The following MCTP1 variants were observed in gnomAD, a reference collection of about 807,000 sequenced individuals.
MCTP1 encodes the protein multiple C2 and transmembrane domain-containing protein 1.
A neutral mutation model predicts 120.6 loss-of-function variants in MCTP1; 69 were observed. The observed-to-expected ratio is 0.57, with a 90% CI of 0.47 to 0.70. The LOEUF is 0.70. Ranked by LOEUF, MCTP1 falls within the 30% of genes least tolerant of loss-of-function variation. MCTP1 has a pLI of 0.00. For missense variants in MCTP1, 1,203 were observed against 1,248.8 expected (o/e 0.96, Z 0.55); for synonymous variants, 529 against 493.1 (o/e 1.07, Z -0.96).
At chr5:94,709,129 AAAATAAAT>A (rs547211825) in intron 21 of MCTP1, 1 of 151,920 alleles carries the variant, frequency 6.6e-6, no homozygotes, top group African/African-American at 2.4e-5. Context: ...CAACTTTGTA[AAAATAAAT>A]AAATAAATAA....
chr5:94,780,758 TGC>T, intron 18 of MCTP1, among the ~76,000 whole-genome samples: 1 of 152,136 alleles, frequency 6.6e-6, no homozygotes, highest in African/African-American at 2.4e-5. Context: ...AGGCACATAG[TGC>T]TAGGTAATGT....
chr5:94,774,350 A>G (rs1774835724), intron 19 of MCTP1, among the ~76,000 whole-genome samples: 1 of 152,026 alleles, frequency 6.6e-6, no homozygotes, highest in Non-Finnish European at 1.5e-5. Flanking sequence ...GTGAGGCCTT[A>G]AAAGGAACTT....
Position 94,708,501 on chromosome 5 carries a change from A to G in MCTP1, c.2928+11T>C. 6.6e-7 allele frequency: 1 copy of G among 1,518,360 alleles called. No homozygotes were observed. Among genetic ancestry groups the G allele is most frequent in the Admixed American group, 1.7e-5 (1 of 58,774 alleles). 94.1% of individuals were successfully genotyped at this position (1,518,360 alleles called of 1,614,324 possible). A position where few individuals can be genotyped will look rare whatever the true frequency, so the allele number is the denominator to read the frequency against. On this transcript the variant is annotated intron_variant, in intron 22 of 22. Transcript: ENST00000515393. ...AAAATAATAGCAATAATAATAACGA[A>G]ACCTACATACCACTTGTACATCTGA...
chr5:94,894,813 G>A lies in MCTP1; in HGVS notation c.1675C>T (p.Leu559Phe), dbSNP rs1255962539. The change falls in exon 11 of 23, where the codon CTC becomes TTC. Residue 559 changes from leucine (L) to phenylalanine (F), a missense_variant. Coordinates refer to ENST00000515393, the MANE Select transcript of MCTP1 (RefSeq NM_024717.7). ...IGRCQVDLSA[L>F]SREQTHKLEL... is the part of the protein sequence containing the mutation. ...AGCTTGTGCGTCTGTTCCCTACTGA[G>A]GGCTGACAGGTCGACCTGGCACCTA... 4.4e-6 allele frequency: 7 copies of A among 1,593,762 alleles called. No homozygotes were observed. The highest frequency in any genetic ancestry group is 6.0e-6 in the Non-Finnish European group (7 of 1,165,918).
chr5:95,065,526 AAGATAT>A (rs1469168947), intron 1 of MCTP1, among the ~76,000 whole-genome samples: 1 of 152,200 alleles, frequency 6.6e-6, no homozygotes, highest in Non-Finnish European at 1.5e-5. Context: ...ATTATCTGAA[AAGATAT>A]AGGGAAAACA....
intron 20 of MCTP1, 117 bp from the exon 21 acceptor site, chr5:94,711,044 T>G: frequency 1.4e-6 from 1 of 737,986 alleles, no homozygotes; most frequent in Non-Finnish European, 2.3e-6. Context: ...TGGAATAGAT[T>G]CCAATTGTAA....
rs1491136930 is a variant in MCTP1, at chr5:94,954,012, A to AC, written c.839-652_839-651insG. Among the ~76,000 whole-genome samples, 2 of 44,740 alleles carry AC rather than the reference A, an allele frequency of 4.5e-5. 1 individual carries two copies. The highest frequency in any genetic ancestry group is 7.9e-5 in the Non-Finnish European group (2 of 25,160). The allele number at this position is 44,740 out of a possible 152,430, so 29.4% of individuals were successfully genotyped here. On this transcript the variant is annotated intron_variant, in intron 2 of 22. Coordinates refer to ENST00000515393, the MANE Select transcript of MCTP1 (RefSeq NM_024717.7). ...CAAATATATATATGCATATATATAC[A>AC]AATATATATGCATATATATACAAAT...
chr5:95,146,128 T>C (rs1015621894), intron 1 of MCTP1, among the ~76,000 whole-genome samples: 4 of 152,208 alleles, frequency 2.6e-5, no homozygotes, highest in African/African-American at 7.2e-5. Flanking sequence ...AGATTATTTG[T>C]TTCCAAGAAT....
At chr5:95,253,532 C>T (rs1757588237) in intron 1 of MCTP1, among the ~76,000 whole-genome samples, 1 of 152,048 alleles carries the variant, frequency 6.6e-6, no homozygotes, top group Admixed American at 6.6e-5. Context: ...TTATATTAAC[C>T]TTCCACAGTG....
chr5:94,945,765 A>T (rs1459160807), intron 3 of MCTP1, among the ~76,000 whole-genome samples: 1 of 152,178 alleles, frequency 6.6e-6, no homozygotes, highest in Non-Finnish European at 1.5e-5. Context: ...GGACAACGAG[A>T]GTGGGAGGTG....
chr5:95,269,840 A>C (rs1759218026), intron 1 of MCTP1, among the ~76,000 whole-genome samples: 1 of 152,234 alleles, frequency 6.6e-6, no homozygotes, highest in South Asian at 2.1e-4. Flanking sequence ...CATAAAATGC[A>C]ACTAACACTA....
chr5:94,879,299 A>G (rs1165622474), intron 12 of MCTP1, among the ~76,000 whole-genome samples: 1 of 152,130 alleles, frequency 6.6e-6, no homozygotes, highest in African/African-American at 2.4e-5. Flanking sequence ...ACGTAAATCA[A>G]TAGCTATATT....
At chr5:95,120,914 T>C (rs1247468951) in intron 1 of MCTP1, among the ~76,000 whole-genome samples, 1 of 152,194 alleles carries the variant, frequency 6.6e-6, no homozygotes, top group Non-Finnish European at 1.5e-5. Flanking sequence ...GCAGATGATA[T>C]GATCTTAAAT....
At chr5:95,081,629 C>G in intron 1 of MCTP1, 1 of 1,344,374 alleles carries the variant, frequency 7.4e-7, no homozygotes, top group Non-Finnish European at 9.6e-7. Flanking sequence ...CTGCTCTGCA[C>G]AGCAGCGACT....
intron 1 of MCTP1, among the ~76,000 whole-genome samples, chr5:95,206,027 C>T (rs983246208): frequency 2.0e-5 from 3 of 152,162 alleles, no homozygotes; most frequent in Non-Finnish European, 2.9e-5. Flanking sequence ...AGCAATTCCA[C>T]TCCTGGTTAT....
chr5:94,801,633 C>CA (rs1490127260), intron 17 of MCTP1, among the ~76,000 whole-genome samples: 1 of 152,122 alleles, frequency 6.6e-6, no homozygotes, highest in Non-Finnish European at 1.5e-5. Flanking sequence ...TAAATATGAC[C>CA]AATTGTAATC....
intron 19 of MCTP1, among the ~76,000 whole-genome samples, chr5:94,774,275 T>C (rs1483615856): frequency 6.8e-6 from 1 of 147,780 alleles, no homozygotes; most frequent in Non-Finnish European, 1.5e-5. Flanking sequence ...ATGACTAGGT[T>C]GTGTTCTGTG....
chr5:95,138,413 T>C (rs1217295933), intron 1 of MCTP1, among the ~76,000 whole-genome samples: 1 of 152,218 alleles, frequency 6.6e-6, no homozygotes, highest in African/African-American at 2.4e-5. Flanking sequence ...TTTCTCACTA[T>C]CCTCTCCTGT....
intron 2 of MCTP1, among the ~76,000 whole-genome samples, chr5:94,988,779 C>T (rs75182050): frequency 0.012 from 1,758 of 152,124 alleles, 38 homozygotes; most frequent in African/African-American, 0.04. Flanking sequence ...TTAATTGACT[C>T]GACTCACAGT....
Sources: allele counts gnomAD v4.1 joint callset (sites outside exome capture counted in the v4.1 genomes callset), GRCh38; gene constraint gnomAD v4.1.1; transcripts MANE v1.5; gene names NCBI Gene and HGNC (gene_info 2026-07-23, HGNC 2026-07-21).